The following SLC28A3 variants were observed in gnomAD, a reference collection of about 807,000 sequenced individuals.
SLC28A3 encodes concentrative Na(+)-nucleoside cotransporter 3.
A neutral mutation model predicts 84.2 loss-of-function variants in SLC28A3; 68 were observed. That is an observed-to-expected ratio of 0.81 (90% CI 0.66 to 0.99). SLC28A3 has a LOEUF of 0.99. Among genes scored for constraint, SLC28A3 ranks in the 50% least tolerant of loss-of-function variants. The pLI, the probability that SLC28A3 is intolerant of heterozygous loss-of-function variation, is 0.00. For synonymous variants in SLC28A3, 267 were observed against 303.6 expected, an observed-to-expected ratio of 0.88 and a Z score of 1.25; for missense variants, 712 against 841.5, an observed-to-expected ratio of 0.85 and a Z score of 1.90.
At chr9:84,326,860 T>G (rs528795944) in intron 1 of SLC28A3, among the ~76,000 whole-genome samples, 25 of 151,746 alleles carry the variant, frequency 1.6e-4, no homozygotes, top group Non-Finnish European at 2.9e-4. Flanking sequence ...ACCAAAAAAT[T>G]TAGCCAGACA....
At chr9:84,282,643 G>C (rs13286567) in intron 14 of SLC28A3, among the ~76,000 whole-genome samples, 1 of 152,234 alleles carries the variant, frequency 6.6e-6, no homozygotes, top group Admixed American at 6.5e-5. Flanking sequence ...GCTTAGGCCA[G>C]ACAATTTTTC....
intron 1 of SLC28A3, among the ~76,000 whole-genome samples, chr9:84,326,669 CAACAACAACA>C: frequency 6.6e-6 from 1 of 151,734 alleles, no homozygotes; most frequent in South Asian, 2.1e-4. Context: ...ACAACAACAA[CAACAACAACA>C]ACAACCAGGT....
At chr9:84,359,868 G>A in the SLC28A3 span, among the ~76,000 whole-genome samples, 1 of 151,898 alleles carries the variant, frequency 6.6e-6, no homozygotes, top group African/African-American at 2.4e-5. Flanking sequence ...GGGCATGGTG[G>A]CACGTGCCTG....
intron 14 of SLC28A3, among the ~76,000 whole-genome samples, chr9:84,282,827 C>G (rs1037348792): frequency 6.6e-6 from 1 of 152,200 alleles, no homozygotes; most frequent in African/African-American, 2.4e-5. Context: ...TACACTCATT[C>G]AAGACTCAAG....
intron 4 of SLC28A3, among the ~76,000 whole-genome samples, chr9:84,303,049 TA>T (rs1825684055): frequency 6.6e-6 from 1 of 152,098 alleles, no homozygotes; most frequent in Non-Finnish European, 1.5e-5. Flanking sequence ...TTTTGAGAAA[TA>T]AAAATAAAGT....
chr9:84,306,745 A>G (rs1476850147), intron 3 of SLC28A3, among the ~76,000 whole-genome samples: 1 of 152,164 alleles, frequency 6.6e-6, no homozygotes, highest in African/African-American at 2.4e-5. Context: ...TTCAACAGAC[A>G]TGTATTGATT....
intron 8 of SLC28A3, among the ~76,000 whole-genome samples, chr9:84,296,268 G>A (rs1239073146): frequency 2.0e-5 from 3 of 152,170 alleles, no homozygotes; most frequent in Non-Finnish European, 2.9e-5. Flanking sequence ...AGAGGTTGCT[G>A]GGGGAGGGTG....
intron 14 of SLC28A3, among the ~76,000 whole-genome samples, chr9:84,283,773 G>A (rs567480872): frequency 6.6e-6 from 1 of 152,316 alleles, no homozygotes; most frequent in Admixed American, 6.5e-5. Context: ...GGATATCACT[G>A]GGGTTTTGCC....
chr9:84,292,354 A>G (rs1825257164), intron 10 of SLC28A3, among the ~76,000 whole-genome samples: 1 of 152,212 alleles, frequency 6.6e-6, no homozygotes, highest in Non-Finnish European at 1.5e-5. Flanking sequence ...CTATGCCTTA[A>G]TAAAATGACA....
chr9:84,344,342 C>T (rs1348449141), upstream of SLC28A3, among the ~76,000 whole-genome samples: 4 of 151,860 alleles, frequency 2.6e-5, no homozygotes, highest in African/African-American at 9.7e-5. Flanking sequence ...GCGTGTGCCA[C>T]CATGCCTGGC....
intron 1 of SLC28A3, among the ~76,000 whole-genome samples, chr9:84,316,972 G>C (rs1459039592): frequency 6.6e-6 from 1 of 151,622 alleles, no homozygotes; most frequent in Non-Finnish European, 1.5e-5. Flanking sequence ...GTGCACTCCA[G>C]CCCGGGCGAC....
intron 4 of SLC28A3, among the ~76,000 whole-genome samples, chr9:84,304,838 A>G (rs1318423755): frequency 6.6e-6 from 1 of 152,202 alleles, no homozygotes; most frequent in East Asian, 1.9e-4. Flanking sequence ...CCCGGCCAAC[A>G]CAGTGAAACC....
rs1824972389 is a variant in SLC28A3 at position 84,286,059 on chromosome 9, A to G, written c.1333T>C (p.Ser445Pro). Residue 445 changes from serine (S) to proline (P), a missense_variant, in exon 13 of 18, where the codon TCC becomes CCC. Physicochemically the swap from Ser to Pro is moderately conservative, Grantham distance 74. Coordinates refer to ENST00000376238, the MANE Select transcript of SLC28A3 (RefSeq NM_001199633.2). Reference sequence around the variant, plus strand: ...TTCACAGCGATGTTGGCCACCAGGGAGATGGAGGAGGATGCTCCCTGTGTT... The same window carrying G: ...TTCACAGCGATGTTGGCCACCAGGGGGATGGAGGAGGATGCTCCCTGTGTT... ...AATQGASSSI[S>P]LVANIAVNLI... is the part of the protein sequence containing the mutation. 6.2e-7 allele frequency: 1 copy of G among 1,613,994 alleles called. No individual in the cohort carries two copies. The highest frequency in any genetic ancestry group is 1.3e-5 in the African/African-American group (1 of 74,916).
At chr9:84,341,418 A>C (rs1827156238), upstream of SLC28A3, among the ~76,000 whole-genome samples, 2 of 152,132 alleles carry the variant, frequency 1.3e-5, no homozygotes, top group South Asian at 4.2e-4. Flanking sequence ...ACTGTATACC[A>C]GGGATGGATA....
chr9:84,343,531 C>A (rs976680568), upstream of SLC28A3, among the ~76,000 whole-genome samples: 10 of 152,164 alleles, frequency 6.6e-5, no homozygotes, highest in Non-Finnish European at 1.0e-4. Context: ...ATAACTACAG[C>A]CAACCACAGC....
upstream of SLC28A3, among the ~76,000 whole-genome samples, chr9:84,345,196 T>C (rs896416860): frequency 1.3e-5 from 2 of 151,348 alleles, no homozygotes; most frequent in South Asian, 2.1e-4. Flanking sequence ...TTCCCCATCA[T>C]TGCAATGTGC....
intron 5 of SLC28A3, among the ~76,000 whole-genome samples, chr9:84,301,366 AAAAAAAAAG>A (rs1417735823): frequency 1.3e-5 from 2 of 150,876 alleles, no homozygotes; most frequent in African/African-American, 4.9e-5. Flanking sequence ...AAAAAAAAAA[AAAAAAAAAG>A]AAAAGGCTGT....
chr9:84,315,913 C>T (rs984803521), intron 1 of SLC28A3, among the ~76,000 whole-genome samples: 9 of 152,228 alleles, frequency 5.9e-5, no homozygotes, highest in African/African-American at 2.2e-4. Flanking sequence ...ACTGCGTTCT[C>T]ATGGTAAAAT....
At chr9:84,318,138 C>T (rs1050510642) in intron 1 of SLC28A3, among the ~76,000 whole-genome samples, 10 of 152,128 alleles carry the variant, frequency 6.6e-5, no homozygotes, top group Admixed American at 2.0e-4. Flanking sequence ...GCTCAAGTCT[C>T]GGGTGTGCAT....
Sources: gnomAD v4.1 joint callset for allele counts (sites outside exome capture counted in the v4.1 genomes callset) on GRCh38, gnomAD v4.1.1 for gene constraint, MANE v1.5 for transcripts, NCBI Gene and HGNC (gene_info 2026-07-23, HGNC 2026-07-21) for gene names.